SORCS1: variants seen among roughly 807,000 people sequenced by gnomAD.
The protein encoded by SORCS1 is sortilin related VPS10 domain containing receptor 1.
In SORCS1, 60 loss-of-function variants were observed where a neutral mutation model predicts 146.1. The observed-to-expected ratio is 0.41, with a 90% CI of 0.33 to 0.51. The LOEUF (loss-of-function observed/expected upper bound fraction) is 0.51. Among genes scored for constraint, SORCS1 ranks in the 20% least tolerant of loss-of-function variants. The pLI is 0.21. For missense variants in SORCS1, 1,352 were observed against 1,487.6 expected (o/e 0.91, Z 1.50); for synonymous variants, 637 against 584.0 (o/e 1.09, Z -1.31).
chr10:106,935,103 AAT>A (rs748592554), intron 2 of SORCS1, among the ~76,000 whole-genome samples: 32 of 145,990 alleles, frequency 2.2e-4, no homozygotes, highest in Admixed American at 4.6e-4. Flanking sequence ...AAGAAAAGAA[AAT>A]AATTTTTGGA....
intron 2 of SORCS1, among the ~76,000 whole-genome samples, chr10:106,851,892 C>T (rs532570509): frequency 6.8e-6 from 1 of 147,190 alleles, no homozygotes; most frequent in African/African-American, 2.4e-5. Context: ...CTTCATAGTT[C>T]TCCTCATACA....
At chr10:106,675,912 A>G (rs1851990405) in intron 13 of SORCS1, among the ~76,000 whole-genome samples, 1 of 152,152 alleles carries the variant, frequency 6.6e-6, no homozygotes, top group South Asian at 2.1e-4. Context: ...CTATAAACCC[A>G]AAAGTGGAAC....
At chr10:106,793,679 C>T (rs1946418258) in intron 3 of SORCS1, among the ~76,000 whole-genome samples, 1 of 152,284 alleles carries the variant, frequency 6.6e-6, no homozygotes, top group South Asian at 2.1e-4. Flanking sequence ...CTCTTAAATC[C>T]AGGCAGATGA....
At chr10:107,135,975 G>A (rs925942713) in intron 1 of SORCS1, among the ~76,000 whole-genome samples, 2 of 152,140 alleles carry the variant, frequency 1.3e-5, no homozygotes, top group Admixed American at 1.3e-4. Context: ...ACTGAAAGCA[G>A]CCCCTGATCT....
At chr10:106,778,336 T>C (rs1449038401) in intron 3 of SORCS1, among the ~76,000 whole-genome samples, 1 of 152,090 alleles carries the variant, frequency 6.6e-6, no homozygotes, top group Non-Finnish European at 1.5e-5. Context: ...TGAAGACTAA[T>C]TGCCTCTTGT....
chr10:106,914,244 GT>G (rs1045547443), intron 2 of SORCS1, among the ~76,000 whole-genome samples: 3 of 151,890 alleles, frequency 2.0e-5, no homozygotes, highest in East Asian at 1.9e-4. Context: ...TTCTTATGCT[GT>G]TTTTTTTCTC....
At chr10:106,608,255 G>A (rs17095081) in intron 22 of SORCS1, among the ~76,000 whole-genome samples, 2,598 of 152,262 alleles carry the variant, frequency 0.017, 74 homozygotes, top group East Asian at 0.099. Context: ...CAACTCTTAC[G>A]CTTTTGCCAA....
upstream of SORCS1, among the ~76,000 whole-genome samples, chr10:107,165,151 G>A (rs1970008724): frequency 6.6e-6 from 1 of 152,066 alleles, no homozygotes; most frequent in Admixed American, 6.5e-5. This position sits in a 1 kb window ranked among gnomAD's most constrained non-coding sequence, Gnocchi z 4.0. Flanking sequence ...GGGATGGGTG[G>A]GCTTCTGCTC....
intron 2 of SORCS1, among the ~76,000 whole-genome samples, chr10:106,938,401 G>T (rs921225164): frequency 8.5e-5 from 13 of 152,226 alleles, no homozygotes; most frequent in Admixed American, 6.5e-5. Flanking sequence ...TATGTTTGGA[G>T]AGATGGGGAA....
chr10:106,683,832 AT>A (rs1852619700), intron 10 of SORCS1, among the ~76,000 whole-genome samples: 1 of 152,206 alleles, frequency 6.6e-6, no homozygotes, highest in Admixed American at 6.5e-5. Flanking sequence ...TGGAACTCAA[AT>A]TTATTACATC....
At chr10:107,065,421 TTC>T (rs1325257285) in intron 1 of SORCS1, among the ~76,000 whole-genome samples, 1 of 140,636 alleles carries the variant, frequency 7.1e-6, no homozygotes, top group Non-Finnish European at 1.6e-5. Context: ...TTTCTTTTCT[TTC>T]TTTCTTTCTT....
At chr10:107,136,621 G>A (rs1309001246) in intron 1 of SORCS1, among the ~76,000 whole-genome samples, 1 of 152,164 alleles carries the variant, frequency 6.6e-6, no homozygotes, top group African/African-American at 2.4e-5. Flanking sequence ...CTTAGGTACA[G>A]CAGATGCTGT....
At chr10:106,731,048 G>A (rs577948707) in intron 5 of SORCS1, among the ~76,000 whole-genome samples, 11 of 151,486 alleles carry the variant, frequency 7.3e-5, no homozygotes, top group African/African-American at 2.4e-4. Flanking sequence ...GGTGGCTCAC[G>A]CCTGTAATCC....
intron 8 of SORCS1, among the ~76,000 whole-genome samples, chr10:106,700,358 C>T (rs1204096869): frequency 1.3e-5 from 2 of 152,190 alleles, no homozygotes; most frequent in African/African-American, 4.8e-5. Context: ...TGTTCATATG[C>T]TCTAGCCTGC....
At chr10:107,169,174 A>C (rs79604093), upstream of SORCS1, among the ~76,000 whole-genome samples, 1 of 152,162 alleles carries the variant, frequency 6.6e-6, no homozygotes, top group African/African-American at 2.4e-5. Flanking sequence ...TTTGCACTAA[A>C]TCACATTTAT....
At chr10:107,090,282 A>T (rs995236218) in intron 1 of SORCS1, among the ~76,000 whole-genome samples, 1 of 152,170 alleles carries the variant, frequency 6.6e-6, no homozygotes, top group African/African-American at 2.4e-5. Flanking sequence ...ACCACAAGAG[A>T]GGAAGTAAAG....
At chr10:106,856,507 A>G (rs1949793307) in intron 2 of SORCS1, among the ~76,000 whole-genome samples, 1 of 152,204 alleles carries the variant, frequency 6.6e-6, no homozygotes, top group Non-Finnish European at 1.5e-5. Context: ...GGTCTGACAG[A>G]TCCCCAGCAG....
chr10:106,702,545 T>C (rs541845346), intron 8 of SORCS1, among the ~76,000 whole-genome samples: 1 of 152,302 alleles, frequency 6.6e-6, no homozygotes, highest in African/African-American at 2.4e-5. Flanking sequence ...AATATTGTGG[T>C]CTAGGTCACT....
chr10:106,989,352 T>G (rs564319644), intron 1 of SORCS1, among the ~76,000 whole-genome samples: 53 of 151,092 alleles, frequency 3.5e-4, no homozygotes, highest in African/African-American at 1.2e-3. Context: ...TCTCCCTTGG[T>G]AGTACCTTGA....
Sources: allele counts gnomAD v4.1 joint callset (sites outside exome capture counted in the v4.1 genomes callset), GRCh38; gene constraint gnomAD v4.1.1; non-coding constraint Gnocchi (gnomAD v3.1); transcripts MANE v1.5; gene names NCBI Gene and HGNC (gene_info 2026-07-23, HGNC 2026-07-21).